SGCG: variants seen among roughly 807,000 people sequenced by gnomAD.
The protein encoded by SGCG is sarcoglycan gamma, also known as gamma-sarcoglycan.
A neutral mutation model predicts 29.3 loss-of-function variants in SGCG; 26 were observed. The observed-to-expected ratio is 0.89, with a 90% CI of 0.65 to 1.23. The LOEUF (loss-of-function observed/expected upper bound fraction) is 1.23. SGCG is among the 50% of genes most tolerant of loss of function. The pLI is 0.00. For synonymous variants in SGCG, 145 were observed against 129.7 expected, an observed-to-expected ratio of 1.12 and a Z score of -0.80; for missense variants, 353 against 356.0, an observed-to-expected ratio of 0.99 and a Z score of 0.07.
At chr13:23,228,896 G>A (rs58835567) in intron 2 of SGCG, among the ~76,000 whole-genome samples, 1 of 151,854 alleles carries the variant, frequency 6.6e-6, no homozygotes, top group Non-Finnish European at 1.5e-5. Flanking sequence ...TTTGAGACAG[G>A]GTCCTGCCCT....
chr13:23,203,798 G>C lies in SGCG; in HGVS notation c.104G>C (p.Cys35Ser). 1.2e-6 allele frequency: 2 copies of C among 1,613,876 alleles called. No individual in the cohort carries two copies. The highest frequency in any genetic ancestry group is 1.7e-6 in the Non-Finnish European group (2 of 1,179,802). ...GGCATTTATGGCTGGAGAAAGCGCT[G>C]TCTCTACTTGTTTGTTCTTCTTTTA... ...KIGIYGWRKR[C>S]LYLFVLLLLI... The change falls in exon 2 of 8, where the codon TGT (cysteine) becomes TCT (serine). Residue 35 changes from cysteine (C) to serine (S), a missense_variant. Physicochemically the swap from Cys to Ser is moderately radical, Grantham distance 112. Transcript: ENST00000218867.
upstream of SGCG, among the ~76,000 whole-genome samples, chr13:23,178,806 A>G (rs17078391): frequency 0.072 from 10,899 of 152,228 alleles, 459 homozygotes; most frequent in East Asian, 0.15. Flanking sequence ...TGGTTCTGAA[A>G]GTGATCCCCC....
chr13:23,196,505 G>A (rs1038366693), intron 1 of SGCG, among the ~76,000 whole-genome samples: 5 of 152,146 alleles, frequency 3.3e-5, no homozygotes, highest in Non-Finnish European at 5.9e-5. Context: ...TGCAGTGATG[G>A]TGTTTATTGG....
intron 6 of SGCG, among the ~76,000 whole-genome samples, chr13:23,297,126 T>C (rs779033692): frequency 7.9e-5 from 12 of 152,162 alleles, no homozygotes; most frequent in Non-Finnish European, 1.6e-4. Flanking sequence ...ATATTAAACA[T>C]TACTGATAGT....
At chr13:23,293,968 T>C (rs1236761300) in intron 5 of SGCG, among the ~76,000 whole-genome samples, 1 of 152,164 alleles carries the variant, frequency 6.6e-6, no homozygotes, top group Non-Finnish European at 1.5e-5. Flanking sequence ...AGTACAAGGG[T>C]TGATTTAAAA....
upstream of SGCG, among the ~76,000 whole-genome samples, chr13:23,177,217 G>A (rs1876585229): frequency 6.6e-6 from 1 of 152,114 alleles, no homozygotes; most frequent in Non-Finnish European, 1.5e-5. Flanking sequence ...CAGAGAATGG[G>A]GAGGGGAAGG....
At chr13:23,259,194 G>A (rs944769039) in intron 4 of SGCG, among the ~76,000 whole-genome samples, 1 of 152,060 alleles carries the variant, frequency 6.6e-6, no homozygotes, top group African/African-American at 2.4e-5. Context: ...TGGTTGGTAG[G>A]CTATTAATTA....
chr13:23,304,983 A>T (rs1882311032), intron 6 of SGCG, among the ~76,000 whole-genome samples: 1 of 67,774 alleles, frequency 1.5e-5, no homozygotes. Context: ...ACGTGCTCAC[A>T]GGCGTGCACG....
intron 2 of SGCG, among the ~76,000 whole-genome samples, chr13:23,233,430 G>A (rs1415338604): frequency 6.6e-6 from 1 of 152,006 alleles, no homozygotes; most frequent in Non-Finnish European, 1.5e-5. Flanking sequence ...ATTTCAAATT[G>A]TACCCCAAAA....
At chr13:23,222,866 A>G (rs542066035) in intron 2 of SGCG, among the ~76,000 whole-genome samples, 46 of 152,038 alleles carry the variant, frequency 3.0e-4, no homozygotes, top group Non-Finnish European at 6.3e-4. Flanking sequence ...ATACTTTGAA[A>G]CTTCCATGGG....
At chr13:23,182,609 C>T (rs1412502915) in intron 1 of SGCG, among the ~76,000 whole-genome samples, 1 of 152,168 alleles carries the variant, frequency 6.6e-6, no homozygotes, top group Non-Finnish European at 1.5e-5. Flanking sequence ...TGGATTCCAG[C>T]TTCATTTTTA....
chr13:23,187,216 C>G (rs1178793334), intron 1 of SGCG, among the ~76,000 whole-genome samples: 6 of 152,196 alleles, frequency 3.9e-5, no homozygotes, highest in African/African-American at 1.4e-4. Flanking sequence ...GGGTGAGCCA[C>G]TCTCGCTATG....
chr13:23,254,330 T>C (rs1009712593), intron 4 of SGCG, among the ~76,000 whole-genome samples: 2 of 152,132 alleles, frequency 1.3e-5, no homozygotes, highest in South Asian at 4.1e-4. Context: ...AAACATCACC[T>C]GTGTAATGCC....
chr13:23,294,587 C>T lies in SGCG; in HGVS notation c.506-828C>T, dbSNP rs183357839. On this transcript the variant is annotated intron_variant, in intron 5 of 7. Transcript: ENST00000218867. ...GTAATTCTTCCCCATTGATGACCCT[C>T]CAAATAATTTTGTTGCACTTTGCTA... Among the ~76,000 whole-genome samples the T allele has an allele frequency of 2.4e-3, 372 of 152,296 alleles. 1 individual carries two copies. The highest frequency in any genetic ancestry group is 4.2e-3 in the Non-Finnish European group (289 of 68,024).
At chr13:23,242,464 T>C (rs1003424120) in intron 3 of SGCG, among the ~76,000 whole-genome samples, 3 of 152,166 alleles carry the variant, frequency 2.0e-5, no homozygotes, top group African/African-American at 7.2e-5. Context: ...GCTCCTTCTA[T>C]ATGTCATGCA....
At chr13:23,314,176 GTATATA>G (rs1344869674) in intron 6 of SGCG, among the ~76,000 whole-genome samples, 2 of 135,748 alleles carry the variant, frequency 1.5e-5, no homozygotes, top group Non-Finnish European at 3.3e-5. Context: ...GTTTTGAACA[GTATATA>G]TATATATAGA....
chr13:23,314,588 C>T (rs9580600), intron 6 of SGCG, among the ~76,000 whole-genome samples: 2,911 of 151,584 alleles, frequency 0.019, 106 homozygotes, highest in African/African-American at 0.067. Flanking sequence ...ACTTTTCGCT[C>T]CCACAAGATA....
upstream of SGCG, among the ~76,000 whole-genome samples, chr13:23,176,992 A>G (rs1274274407): frequency 3.9e-5 from 6 of 152,216 alleles, no homozygotes; most frequent in Non-Finnish European, 4.4e-5. Context: ...CAGTAGATGA[A>G]TGAATAAAGA....
chr13:23,177,323 G>A (rs547782415), upstream of SGCG, among the ~76,000 whole-genome samples: 384 of 152,100 alleles, frequency 2.5e-3, 1 homozygote, highest in African/African-American at 8.9e-3. Flanking sequence ...TCAACACAAA[G>A]GTATTGTGTA....
Sources: gnomAD v4.1 joint callset for allele counts (sites outside exome capture counted in the v4.1 genomes callset) on GRCh38, gnomAD v4.1.1 for gene constraint, MANE v1.5 for transcripts, NCBI Gene and HGNC (gene_info 2026-07-23, HGNC 2026-07-21) for gene names.